Variants in SLC20A2 observed in about 807,000 individuals in gnomAD.
The protein encoded by SLC20A2 is sodium-dependent phosphate transporter 2.
Under a neutral mutation model 61.0 loss-of-function variants are expected in SLC20A2, and 30 were observed. That is an observed-to-expected ratio of 0.49 (90% CI 0.37 to 0.67). SLC20A2 has a LOEUF of 0.67. SLC20A2 is among the 30% of genes least tolerant of loss of function. SLC20A2 has a pLI of 0.00. For missense variants in SLC20A2, 626 were observed against 866.4 expected, an observed-to-expected ratio of 0.72 and a Z score of 3.48; for synonymous variants, 351 against 353.3, an observed-to-expected ratio of 0.99 and a Z score of 0.07.
chr8:42,455,431 C>T (rs1304356191), intron 5 of SLC20A2, among the ~76,000 whole-genome samples: 3 of 151,358 alleles, frequency 2.0e-5, no homozygotes, highest in East Asian at 1.9e-4. Context: ...GAGGCTGAGG[C>T]GGGCAGATCA....
intron 1 of SLC20A2, among the ~76,000 whole-genome samples, chr8:42,478,204 T>C (rs964750449): frequency 4.2e-5 from 6 of 143,900 alleles, no homozygotes; most frequent in Admixed American, 2.2e-4. Flanking sequence ...TTCTTTTCTT[T>C]TCCTTTTCTT....
At chr8:42,491,292 T>C (rs1191527644) in intron 1 of SLC20A2, among the ~76,000 whole-genome samples, 2 of 151,246 alleles carry the variant, frequency 1.3e-5, no homozygotes, top group Admixed American at 6.6e-5. Flanking sequence ...AGGCGGGCGA[T>C]CACCAGGTCA....
chr8:42,534,213 C>T (rs770280355), intron 1 of SLC20A2, among the ~76,000 whole-genome samples: 1 of 151,950 alleles, frequency 6.6e-6, no homozygotes, highest in East Asian at 1.9e-4. Context: ...TGGGAGGCAG[C>T]GGTTGCAGTT....
chr8:42,502,834 T>C (rs1254521929), upstream of SLC20A2, among the ~76,000 whole-genome samples: 1 of 152,202 alleles, frequency 6.6e-6, no homozygotes, highest in African/African-American at 2.4e-5. Flanking sequence ...ACTCCAGAAG[T>C]CTTAATGCCA....
chr8:42,519,449 A>G (rs1298352530), intron 1 of SLC20A2, among the ~76,000 whole-genome samples: 1 of 151,902 alleles, frequency 6.6e-6, no homozygotes, highest in Non-Finnish European at 1.5e-5. Flanking sequence ...ATCTTAAAAA[A>G]AAAAAAAAAA....
chr8:42,480,695 T>G (rs777448535), intron 1 of SLC20A2, among the ~76,000 whole-genome samples: 4 of 152,218 alleles, frequency 2.6e-5, no homozygotes, highest in Non-Finnish European at 5.9e-5. Context: ...AGAGTCGGTC[T>G]GTTGTCTAGG....
rs1807719363 is a variant in SLC20A2 at position 42,472,458 on chromosome 8, T to C, written c.-68A>G. 1 of 1,430,792 alleles carries C rather than the reference T, an allele frequency of 7.0e-7. No individual in the cohort carries two copies. Among genetic ancestry groups the C allele is most frequent in the Non-Finnish European group, 9.6e-7 (1 of 1,043,732 alleles). 88.6% of individuals were successfully genotyped at this position (1,430,792 alleles called of 1,614,324 possible). On this transcript the variant is annotated 5_prime_UTR_variant, in exon 2 of 11. Coordinates refer to ENST00000520262, the MANE Select transcript of SLC20A2 (RefSeq NM_001257180.2). This position sits in a 1 kb window ranked among gnomAD's most constrained non-coding sequence, Gnocchi z 4.1. ...TTTAAATAAACAAAGCTTGAGGTTA[T>C]AAACTTCGTAAGGCCAAGAGTTCTT...
At chr8:42,510,858 G>GA (rs1246655498) in intron 1 of SLC20A2, among the ~76,000 whole-genome samples, 1 of 149,080 alleles carries the variant, frequency 6.7e-6, no homozygotes, top group African/African-American at 2.5e-5. Context: ...ATGGATTTTT[G>GA]AAAAAAAAAT....
intron 1 of SLC20A2, among the ~76,000 whole-genome samples, chr8:42,496,000 T>C (rs969618262): frequency 6.6e-6 from 1 of 152,192 alleles, no homozygotes; most frequent in Non-Finnish European, 1.5e-5. Context: ...TCCACCCACC[T>C]TGGCCTCCCA....
At chr8:42,455,053 C>T (rs1291664502) in intron 5 of SLC20A2, among the ~76,000 whole-genome samples, 2 of 150,954 alleles carry the variant, frequency 1.3e-5, no homozygotes, top group African/African-American at 2.4e-5. Flanking sequence ...TGGTGAAACC[C>T]TGTCTCTACT....
At chr8:42,439,112 G>T (rs1804561512) in intron 7 of SLC20A2, among the ~76,000 whole-genome samples, 1 of 152,196 alleles carries the variant, frequency 6.6e-6, no homozygotes, top group Non-Finnish European at 1.5e-5. Flanking sequence ...ATAGTAAGCT[G>T]GGTTAACCAA....
At chr8:42,445,641 C>T (rs1413520189) in intron 5 of SLC20A2, among the ~76,000 whole-genome samples, 1 of 152,114 alleles carries the variant, frequency 6.6e-6, no homozygotes, top group African/African-American at 2.4e-5. Flanking sequence ...GCAGGAGAAT[C>T]ACTTGAGCCT....
chr8:42,541,518 G>GA (rs34936218), intron 1 of SLC20A2: 48,078 of 125,658 alleles, frequency 0.38, 9,984 homozygotes, highest in Non-Finnish European at 0.48. Flanking sequence ...AAGGGGAAAG[G>GA]AAAAAAAAAA....
chr8:42,502,993 A>G (rs774421290), upstream of SLC20A2, among the ~76,000 whole-genome samples: 11 of 152,212 alleles, frequency 7.2e-5, no homozygotes, highest in Non-Finnish European at 1.5e-4. Flanking sequence ...TCTGCATCAG[A>G]GTTTGTATTG....
At chr8:42,458,629 C>T (rs1362882156) in intron 5 of SLC20A2, among the ~76,000 whole-genome samples, 5 of 146,110 alleles carry the variant, frequency 3.4e-5, no homozygotes, top group Non-Finnish European at 3.0e-5. Context: ...AAAAAAAGGC[C>T]GGGCATGGTG....
At chr8:42,506,444 A>C (rs1166265599) in intron 1 of SLC20A2, among the ~76,000 whole-genome samples, 1 of 152,198 alleles carries the variant, frequency 6.6e-6, no homozygotes, top group Non-Finnish European at 1.5e-5. Flanking sequence ...CAGGCACACA[A>C]AGAGTCTCAT....
chr8:42,423,832 A>G (rs1803207056), intron 10 of SLC20A2, among the ~76,000 whole-genome samples: 1 of 152,214 alleles, frequency 6.6e-6, no homozygotes, highest in African/African-American at 2.4e-5. Flanking sequence ...CTGTGTTCTA[A>G]CTTCCCTTTT....
At chr8:42,445,599 C>T (rs758888630) in intron 5 of SLC20A2, among the ~76,000 whole-genome samples, 9 of 151,816 alleles carry the variant, frequency 5.9e-5, no homozygotes, top group Non-Finnish European at 1.2e-4. Flanking sequence ...CGGTGACAGG[C>T]GCCTGTAATC....
intron 1 of SLC20A2, among the ~76,000 whole-genome samples, chr8:42,491,447 G>A (rs534366432): frequency 2.0e-5 from 3 of 152,012 alleles, no homozygotes; most frequent in African/African-American, 7.2e-5. Context: ...GTAGATTGCA[G>A]TGAGCCAAGA....
Sources: gnomAD v4.1 joint callset for allele counts (sites outside exome capture counted in the v4.1 genomes callset) on GRCh38, gnomAD v4.1.1 for gene constraint, Gnocchi (gnomAD v3.1) non-coding constraint, MANE v1.5 for transcripts, NCBI Gene and HGNC (gene_info 2026-07-23, HGNC 2026-07-21) for gene names.